SURF4: variants seen among roughly 807,000 people sequenced by gnomAD.
The protein encoded by SURF4 is surfeit 4.
SURF4 carries 3 observed loss-of-function variants against 30.0 expected under a neutral mutation model. That is an observed-to-expected ratio of 0.10 (90% CI 0.05 to 0.26). The LOEUF (loss-of-function observed/expected upper bound fraction) is 0.26. Among genes scored for constraint, SURF4 ranks in the 10% least tolerant of loss-of-function variants. The probability of loss-of-function intolerance (pLI) is 1.00; values close to 1 mark genes in which losing one functional copy is unlikely to be tolerated. For synonymous variants in SURF4, 143 were observed against 139.9 expected (o/e 1.02, Z -0.16); for missense variants, 217 against 350.8 (o/e 0.62, Z 3.05).
At chr9:133,365,862 A>T in intron 4 of SURF4, 123 bp downstream of exon 4, 1 of 960,846 alleles carries the variant, frequency 1.0e-6, no homozygotes, top group Non-Finnish European at 1.6e-6. Context: ...TCCAATGAGC[A>T]CTTCCTTTGA....
intron 1 of SURF4, chr9:133,370,799 T>C: frequency 9.2e-7 from 1 of 1,082,130 alleles, no homozygotes; most frequent in South Asian, 1.3e-5. Flanking sequence ...CTCCCCCCCA[T>C]TAGAGAACTG....
intron 4 of SURF4, among the ~76,000 whole-genome samples, chr9:133,365,259 G>A (rs2130115621): frequency 6.6e-5 from 10 of 152,094 alleles, no homozygotes; most frequent in Non-Finnish European, 1.2e-4. Flanking sequence ...TTTACAACTC[G>A]ACAGTGACAG....
At position 133,366,453 on chromosome 9, in the gene SURF4, T is replaced by TC. The variant is rs1398486110; in HGVS notation, c.312+145dup. 6 of 860,818 alleles carry TC rather than the reference T, an allele frequency of 7.0e-6. No individual in the cohort carries two copies. The East Asian group carries it at 1.6e-4, about 22-fold the overall frequency. The allele number at this position is 860,818 out of a possible 1,614,324, so 53.3% of individuals were successfully genotyped here. On this transcript the variant is annotated intron_variant, in intron 3 of 5. Coordinates refer to ENST00000371989, the MANE Select transcript of SURF4 (RefSeq NM_033161.4). Reference sequence around the variant, plus strand: ...TACAGCCCTGCTTGGGCTCACGACTTCCCCAGAAGAGAAAGGAGCTCCAGG... The same window carrying TC: ...TACAGCCCTGCTTGGGCTCACGACTTCCCCCAGAAGAGAAAGGAGCTCCAGG...
At position 133,363,850 on chromosome 9, in the gene SURF4, GTC is replaced by G. The variant is rs2130094574; in HGVS notation, c.544-93_544-92del. ...AGTTCCAGCTGCTGCACGTCATGAA[GTC>G]TCTATCCATCAGGCTGATGTAGCTA... On this transcript the variant is annotated intron_variant, in intron 5 of 5. Coordinates refer to ENST00000371989, the MANE Select transcript of SURF4 (RefSeq NM_033161.4). This position sits in a 1 kb window ranked among gnomAD's most constrained non-coding sequence, Gnocchi z 4.3. 2.0e-3 allele frequency: 2,969 copies of G among 1,508,886 alleles called. 21 individuals carry two copies. Among genetic ancestry groups the G allele is most frequent in the African/African-American group, 0.018 (1,286 of 72,504 alleles). The allele number at this position is 1,508,886 out of a possible 1,614,324, so 93.5% of individuals were successfully genotyped here.
In SURF4 at chr9:133,376,033, C is replaced by G. The variant is rs1005960025; in HGVS notation, c.-64G>C. ...TCGCTGGCTCTCGCCCGTCGGCGCC[C>G]GCACCCGCTGCGGCCTCCACAGGAA... On this transcript the variant is annotated 5_prime_UTR_variant, in exon 1 of 6. Transcript: ENST00000371989. 3 of 1,215,392 alleles carry G rather than the reference C, an allele frequency of 2.5e-6. No homozygotes were observed. Among genetic ancestry groups the G allele is most frequent in the Admixed American group, 4.4e-5 (1 of 22,960 alleles). 75.3% of individuals were successfully genotyped at this position (1,215,392 alleles called of 1,614,324 possible). A position where few individuals can be genotyped will look rare whatever the true frequency, so the allele number is the denominator to read the frequency against.
Position 133,363,943 on chromosome 9 carries a change from CACCA to C in SURF4, c.544-188_544-185del. 1 of 770,984 alleles carries C rather than the reference CACCA, an allele frequency of 1.3e-6. No individual in the cohort carries two copies. Among genetic ancestry groups the C allele is most frequent in the South Asian group, 1.5e-5 (1 of 68,654 alleles). 47.8% of individuals were successfully genotyped at this position (770,984 alleles called of 1,614,324 possible). A position where few individuals can be genotyped will look rare whatever the true frequency, so the allele number is the denominator to read the frequency against. ...CAAAGGGAGGCAGGAGGCAATAAAG[CACCA>C]GCTTTGAAATGTGGAAGGTTTGGGG... On this transcript the variant is annotated intron_variant, in intron 5 of 5. Transcript: ENST00000371989. The surrounding 1 kb of genome is among the most constrained non-coding windows in gnomAD (Gnocchi z 4.3).
intron 5 of SURF4, 98 bp downstream of exon 5, chr9:133,364,742 G>T: frequency 8.1e-7 from 1 of 1,229,296 alleles, no homozygotes; most frequent in Non-Finnish European, 1.2e-6. Flanking sequence ...CCCAGGCTGT[G>T]GTTAATACCC....
In SURF4 at chr9:133,363,492, G is replaced by A. The variant is rs2130087394; in HGVS notation, c.*1C>T. ...GCCAGGCAGGTAGGGATCTGTGACT[G>A]TTACCACTCCTTCTTCTTCTCATCC... On this transcript the variant is annotated 3_prime_UTR_variant, in exon 6 of 6. Transcript: ENST00000371989. This position sits in a 1 kb window ranked among gnomAD's most constrained non-coding sequence, Gnocchi z 4.3. The A allele has an allele frequency of 6.2e-7, 1 of 1,614,226 alleles. No individual in the cohort carries two copies. Among genetic ancestry groups the A allele is most frequent in the Admixed American group, 1.7e-5 (1 of 60,030 alleles).
At position 133,376,055 on chromosome 9, in the gene SURF4, G is replaced by C; in HGVS notation, c.-86C>G. ...GCCCGCACCCGCTGCGGCCTCCACA[G>C]GAAGTGCCCGGCGGCCGGCCTCGCT... is the stretch of plus-strand genomic sequence containing the variant. On this transcript the variant is annotated 5_prime_UTR_variant, in exon 1 of 6. Coordinates refer to ENST00000371989, the MANE Select transcript of SURF4 (RefSeq NM_033161.4). 8.3e-7 allele frequency: 1 copy of C among 1,200,278 alleles called. No individual in the cohort carries two copies. Among genetic ancestry groups the C allele is most frequent in the South Asian group, 4.2e-5 (1 of 24,074 alleles). The allele number at this position is 1,200,278 out of a possible 1,614,324, so 74.4% of individuals were successfully genotyped here. A position where few individuals can be genotyped will look rare whatever the true frequency, so the allele number is the denominator to read the frequency against.
In SURF4 at chr9:133,363,949, C is replaced by T. The variant is rs1837001034; in HGVS notation, c.544-190G>A. 1 of 756,074 alleles carries T rather than the reference C, an allele frequency of 1.3e-6. No homozygotes were observed. The highest frequency in any genetic ancestry group is 2.4e-6 in the Non-Finnish European group (1 of 421,670). 46.8% of individuals were successfully genotyped at this position (756,074 alleles called of 1,614,324 possible). Reference sequence around the variant, plus strand: ...GAGGCAGGAGGCAATAAAGCACCAGCTTTGAAATGTGGAAGGTTTGGGGAA... The same window carrying T: ...GAGGCAGGAGGCAATAAAGCACCAGTTTTGAAATGTGGAAGGTTTGGGGAA... On this transcript the variant is annotated intron_variant, in intron 5 of 5. Transcript: ENST00000371989. The surrounding 1 kb of genome is among the most constrained non-coding windows in gnomAD (Gnocchi z 4.3).
At chr9:133,376,699 A>AC (rs1366999677), upstream of SURF4, 1 of 689,656 alleles carries the variant, frequency 1.5e-6, no homozygotes, top group African/African-American at 1.9e-5. Context: ...CCTAGGTTGA[A>AC]CCCGGGGGGC....
In SURF4 at chr9:133,376,048, C is replaced by G. The variant is rs2130244548; in HGVS notation, c.-79G>C. 7.2e-5 allele frequency: 87 copies of G among 1,211,968 alleles called. No individual in the cohort carries two copies. Among genetic ancestry groups the G allele is most frequent in the Non-Finnish European group, 8.4e-5 (82 of 974,524 alleles). The allele number at this position is 1,211,968 out of a possible 1,614,324, so 75.1% of individuals were successfully genotyped here. A position where few individuals can be genotyped will look rare whatever the true frequency, so the allele number is the denominator to read the frequency against. ...CGTCGGCGCCCGCACCCGCTGCGGC[C>G]TCCACAGGAAGTGCCCGGCGGCCGG... On this transcript the variant is annotated 5_prime_UTR_variant, in exon 1 of 6. Coordinates refer to ENST00000371989, the MANE Select transcript of SURF4 (RefSeq NM_033161.4).
At chr9:133,375,486 G>A (rs2130237685) in intron 1 of SURF4, 61 of 922,022 alleles carry the variant, frequency 6.6e-5, no homozygotes, top group Non-Finnish European at 7.3e-5. Flanking sequence ...GCCCCCGTTC[G>A]TCCCCGAGCT....
At chr9:133,365,092 G>A (rs1367769947) in intron 4 of SURF4, 66 bp from the exon 5 acceptor site, 1 of 1,403,202 alleles carries the variant, frequency 7.1e-7, no homozygotes. Flanking sequence ...GTGAGACCAG[G>A]TGCAGGGAGA....
In SURF4 at chr9:133,364,955, G is replaced by A. The variant is rs2130112153; in HGVS notation, c.428C>T (p.Ala143Val). Residue 143 changes from alanine (A) to valine (V), a missense_variant, in exon 5 of 6, where the codon GCG (alanine) becomes GTG (valine). Transcript: ENST00000371989. ...GCTCTCACGCATGGTGGGGACGCCCGCAAACATGCTCTTCCCTTCAGAACG... is the reference window on the plus strand; with the variant it reads ...GCTCTCACGCATGGTGGGGACGCCCACAAACATGCTCTTCCCTTCAGAACG... ...ESRSEGKSMFAGVPTMRESSP... is the reference protein window; with the variant it reads ...ESRSEGKSMFVGVPTMRESSP... 5 of 1,612,056 alleles carry A rather than the reference G, an allele frequency of 3.1e-6. No individual in the cohort carries two copies. The highest frequency in any genetic ancestry group is 2.2e-5 in the East Asian group (1 of 44,830).
intron 1 of SURF4, chr9:133,375,503 C>A: frequency 1.2e-6 from 1 of 820,736 alleles, no homozygotes; most frequent in Non-Finnish European, 1.5e-6. Flanking sequence ...AGCTCCCAGC[C>A]CGCCTCCGGG....
chr9:133,364,475 G>GGGGTCA (rs1837038236), intron 5 of SURF4, among the ~76,000 whole-genome samples: 1 of 152,140 alleles, frequency 6.6e-6, no homozygotes, highest in African/African-American at 2.4e-5. Context: ...CAGATCACGA[G>GGGGTCA]GGGTCAGGAG....
chr9:133,367,409 C>T lies in SURF4; in HGVS notation c.85G>A (p.Ala29Thr). 1 of 1,614,060 alleles carries T rather than the reference C, an allele frequency of 6.2e-7. No individual in the cohort carries two copies. Among genetic ancestry groups the T allele is most frequent in the Non-Finnish European group, 8.5e-7 (1 of 1,180,042 alleles). Reference sequence around the variant, plus strand: ...AAGGTGCTGATCAGACAGAGGCGCGCCACGTGGGGCAGGTACTGCTTTGTG... The same window carrying T: ...AAGGTGCTGATCAGACAGAGGCGCGTCACGTGGGGCAGGTACTGCTTTGTG... ...RVTKQYLPHV[A>T]RLCLISTFLE... Residue 29 changes from alanine (A) to threonine (T), a missense_variant, in exon 2 of 6, where the codon GCG (alanine) becomes ACG (threonine). By Grantham distance (58) the Ala-to-Thr change is moderately conservative. Transcript: ENST00000371989.
rs587757875 is a variant in SURF4 at position 133,363,571 on chromosome 9, C to G, written c.732G>C (p.Ser244=). 1.2e-6 allele frequency: 2 copies of G among 1,614,052 alleles called. No homozygotes were observed. Among genetic ancestry groups the G allele is most frequent in the African/African-American group, 2.7e-5 (2 of 74,912 alleles). The stretch of plus-strand genomic sequence containing the variant: ...CCACCAGGAGCAAGCCCCCAATCAC[C>G]GACATGGTCTGGAAGAAGTCGTATT... ...FLKYDFFQTM[S]VIGGLLLVVA... Residue 244 remains serine, a synonymous_variant, in exon 6 of 6, where the codon TCG becomes TCC. Coordinates refer to ENST00000371989, the MANE Select transcript of SURF4 (RefSeq NM_033161.4). This position sits in a 1 kb window ranked among gnomAD's most constrained non-coding sequence, Gnocchi z 4.3.
Sources: allele counts gnomAD v4.1 joint callset (sites outside exome capture counted in the v4.1 genomes callset), GRCh38; gene constraint gnomAD v4.1.1; non-coding constraint Gnocchi (gnomAD v3.1); transcripts MANE v1.5; gene names NCBI Gene and HGNC (gene_info 2026-07-23, HGNC 2026-07-21).